Variants in PEBP4 observed in about 807,000 individuals in gnomAD.
PEBP4 encodes the protein phosphatidylethanolamine binding protein 4, also known as phosphatidylethanolamine-binding protein 4.
Under a neutral mutation model 23.9 loss-of-function variants are expected in PEBP4, and 22 were observed. The ratio of observed to expected loss-of-function variants is 0.92; its 90% CI spans 0.66 to 1.31. PEBP4 has a LOEUF of 1.31. PEBP4 is among the 40% of genes most tolerant of loss of function. PEBP4 has a pLI of 0.00. For synonymous variants in PEBP4, 112 were observed against 99.3 expected, an observed-to-expected ratio of 1.13 and a Z score of -0.76; for missense variants, 324 against 281.7, an observed-to-expected ratio of 1.15 and a Z score of -1.07.
At chr8:22,924,633 C>T in intron 2 of PEBP4, 1 of 983,386 alleles carries the variant, frequency 1.0e-6, no homozygotes, top group African/African-American at 1.7e-5. Flanking sequence ...CGGAGCTTTT[C>T]AACACCAAAA....
chr8:22,807,600 A>G (rs1806525301), intron 4 of PEBP4, among the ~76,000 whole-genome samples: 1 of 152,108 alleles, frequency 6.6e-6, no homozygotes, highest in Non-Finnish European at 1.5e-5. Flanking sequence ...CTTTTAATTT[A>G]TGTTTATGAT....
At chr8:22,938,913 C>T (rs188560187) in intron 1 of PEBP4, among the ~76,000 whole-genome samples, 3 of 152,112 alleles carry the variant, frequency 2.0e-5, no homozygotes, top group Non-Finnish European at 2.9e-5. Flanking sequence ...ATATAAAAAC[C>T]GTATGCTGTA....
intron 4 of PEBP4, among the ~76,000 whole-genome samples, chr8:22,739,009 A>G (rs1418607730): frequency 6.6e-6 from 1 of 152,132 alleles, no homozygotes; most frequent in Non-Finnish European, 1.5e-5. Context: ...GGACCATGCA[A>G]TTAGGAAAAG....
At chr8:22,836,876 T>A (rs1807215466) in intron 3 of PEBP4, among the ~76,000 whole-genome samples, 1 of 150,840 alleles carries the variant, frequency 6.6e-6, no homozygotes. Context: ...AGGAAACTGA[T>A]GGAAGAGAAA....
At chr8:22,925,267 G>C (rs2128781652) in intron 2 of PEBP4, 1 of 985,384 alleles carries the variant, frequency 1.0e-6, no homozygotes, top group African/African-American at 1.7e-5. Context: ...TCTCAGACTG[G>C]GGGCCTGCTG....
rs1005751494 is a variant in PEBP4, at chr8:22,934,626, T to C, written c.145-6906A>G. 2.0e-5 allele frequency among the ~76,000 whole-genome samples: 3 copies of C among 152,036 alleles called. No individual in the cohort carries two copies. The South Asian group carries it at 6.2e-4, about 31-fold the overall frequency. On this transcript the variant is annotated intron_variant, in intron 1 of 1. Coordinates refer to the PEBP4 transcript ENST00000522278. ...CTGAGGTGAGAGGATCACTTGAGCC[T>C]AGGAGTTTGAGGCCAGCCTGGGCCA...
intron 3 of PEBP4, among the ~76,000 whole-genome samples, chr8:22,860,338 C>A (rs1478859592): frequency 3.3e-5 from 5 of 151,638 alleles, no homozygotes; most frequent in African/African-American, 1.2e-4. Context: ...CTCCAGAATG[C>A]TTTTCATTTT....
chr8:22,838,196 G>A (rs1047730926), intron 3 of PEBP4, among the ~76,000 whole-genome samples: 21 of 152,096 alleles, frequency 1.4e-4, no homozygotes, highest in South Asian at 2.1e-4. Flanking sequence ...CCACCTGCCT[G>A]GACTTCAATT....
chr8:22,886,750 TG>T, intron 3 of PEBP4: 1 of 152,528 alleles, frequency 6.6e-6, no homozygotes. Context: ...GGACCTGAGA[TG>T]GGGTGGCCCA....
At chr8:22,852,492 C>T (rs1278919170) in intron 3 of PEBP4, among the ~76,000 whole-genome samples, 2 of 152,086 alleles carry the variant, frequency 1.3e-5, no homozygotes, top group Non-Finnish European at 2.9e-5. Flanking sequence ...CCTTTCCCTC[C>T]GAGCCCACCT....
intron 3 of PEBP4, among the ~76,000 whole-genome samples, chr8:22,900,656 CAAA>C (rs111459741): frequency 1.5e-5 from 2 of 134,404 alleles, no homozygotes; most frequent in Non-Finnish European, 1.6e-5. Flanking sequence ...ACTCTGTCTC[CAAA>C]AAAAAAAAAA....
chr8:22,924,290 G>A (rs188872423), intron 2 of PEBP4, among the ~76,000 whole-genome samples: 3 of 152,168 alleles, frequency 2.0e-5, no homozygotes, highest in Non-Finnish European at 4.4e-5. Flanking sequence ...CTTGAGCCCA[G>A]GTGTTCAAGG....
At chr8:22,862,982 T>C (rs145718991) in intron 3 of PEBP4, among the ~76,000 whole-genome samples, 1,532 of 152,134 alleles carry the variant, frequency 0.01, 12 homozygotes, top group Middle Eastern at 0.017. Context: ...TTTGTATTTT[T>C]AGTAGAGATG....
At chr8:22,717,966 C>G (rs1181749062) in intron 6 of PEBP4, among the ~76,000 whole-genome samples, 1 of 152,044 alleles carries the variant, frequency 6.6e-6, no homozygotes, top group Non-Finnish European at 1.5e-5. Flanking sequence ...AGGCGGGAGG[C>G]CTGAGACTTT....
chr8:22,858,775 C>T (rs1807708042), intron 3 of PEBP4, among the ~76,000 whole-genome samples: 1 of 152,062 alleles, frequency 6.6e-6, no homozygotes, highest in Non-Finnish European at 1.5e-5. Flanking sequence ...GGTGAAATCC[C>T]GTCTTTACTA....
intron 4 of PEBP4, among the ~76,000 whole-genome samples, chr8:22,767,072 G>T (rs564922089): frequency 1.6e-4 from 24 of 152,328 alleles, no homozygotes; most frequent in African/African-American, 5.8e-4. Flanking sequence ...CCATACGAAG[G>T]GGTGTTCCGG....
At chr8:22,825,120 A>G (rs1296069050) in intron 3 of PEBP4, among the ~76,000 whole-genome samples, 3 of 152,224 alleles carry the variant, frequency 2.0e-5, no homozygotes, top group Non-Finnish European at 4.4e-5. Flanking sequence ...GACCTTTCAT[A>G]ACAGTCATTG....
chr8:22,809,471 C>T (rs1050323808), intron 4 of PEBP4, among the ~76,000 whole-genome samples: 1 of 152,072 alleles, frequency 6.6e-6, no homozygotes, highest in Non-Finnish European at 1.5e-5. Flanking sequence ...TGGGCTGGGC[C>T]TAGGTGGTGG....
In PEBP4 at chr8:22,859,224, C is replaced by G. The variant is rs113379690; in HGVS notation, c.259-41489G>C. Among the ~76,000 whole-genome samples the G allele has an allele frequency of 3.7e-3, 571 of 152,286 alleles. 7 individuals are homozygous for G. The highest frequency in any genetic ancestry group is 0.013 in the African/African-American group (547 of 41,558). On this transcript the variant is annotated intron_variant, in intron 3 of 6. Transcript: ENST00000256404. ...ACTATCACATGGCCATCAGACTCCC[C>G]CCGTGGAGCCTGCACCCCAGGAGAA...
Sources: allele counts gnomAD v4.1 joint callset (sites outside exome capture counted in the v4.1 genomes callset), GRCh38; gene constraint gnomAD v4.1.1; transcripts MANE v1.5; gene names NCBI Gene and HGNC (gene_info 2026-07-23, HGNC 2026-07-21).